The following SAMSN1 variants were observed in gnomAD, a reference collection of about 807,000 sequenced individuals.
The protein encoded by SAMSN1 is SAM domain, SH3 domain and nuclear localization signals 1, also known as SAM domain-containing protein SAMSN-1.
In SAMSN1, 31 loss-of-function variants were observed where a neutral mutation model predicts 42.0. The observed-to-expected ratio is 0.74, with a 90% confidence interval of 0.55 to 1.00. SAMSN1 has a LOEUF of 1.00. Ranked by LOEUF, SAMSN1 falls within the 50% of genes least tolerant of loss-of-function variation. The pLI, the probability that SAMSN1 is intolerant of heterozygous loss-of-function variation, is 0.00. For synonymous variants in SAMSN1, 178 were observed against 151.9 expected (o/e 1.17, Z -1.26); for missense variants, 464 against 439.4 (o/e 1.06, Z -0.50).
At chr21:14,630,505 T>C (rs1003478918) in intron 2 of SAMSN1, among the ~76,000 whole-genome samples, 5 of 152,146 alleles carry the variant, frequency 3.3e-5, no homozygotes, top group African/African-American at 4.8e-5. Flanking sequence ...CCTTCATCTA[T>C]TGATTTCATT....
At chr21:14,534,200 A>C (rs1426087977) in intron 1 of SAMSN1, among the ~76,000 whole-genome samples, 1 of 152,196 alleles carries the variant, frequency 6.6e-6, no homozygotes, top group African/African-American at 2.4e-5. Context: ...TCCATTAGTC[A>C]TTTCACACTC....
intron 6 of SAMSN1, among the ~76,000 whole-genome samples, chr21:14,599,612 G>A (rs1037710407): frequency 6.6e-6 from 1 of 152,116 alleles, no homozygotes; most frequent in African/African-American, 2.4e-5. Context: ...CTCCCTCAGT[G>A]GTGAGTTCTC....
At chr21:14,506,637 C>T (rs1442846663) in intron 5 of SAMSN1, among the ~76,000 whole-genome samples, 1 of 152,098 alleles carries the variant, frequency 6.6e-6, no homozygotes, top group Non-Finnish European at 1.5e-5. Flanking sequence ...GGTACCAATC[C>T]TATTGACACT....
chr21:14,544,106 G>A (rs1980228069), intron 1 of SAMSN1, among the ~76,000 whole-genome samples: 1 of 152,188 alleles, frequency 6.6e-6, no homozygotes, highest in African/African-American at 2.4e-5. Flanking sequence ...CTGGAGTGCA[G>A]TGGCACGAAC....
intron 2 of SAMSN1, among the ~76,000 whole-genome samples, chr21:14,642,093 C>T (rs1983611031): frequency 6.6e-6 from 1 of 152,140 alleles, no homozygotes; most frequent in Admixed American, 6.5e-5. Flanking sequence ...GTCTTTATTC[C>T]TGTCATCTTC....
intron 1 of SAMSN1, among the ~76,000 whole-genome samples, chr21:14,542,019 G>A (rs1167773665): frequency 6.6e-6 from 1 of 151,148 alleles, no homozygotes; most frequent in African/African-American, 2.4e-5. Flanking sequence ...GAAGGAGAAA[G>A]AAGGAACGAA....
At chr21:14,657,492 T>C (rs1600987617) in intron 1 of SAMSN1, among the ~76,000 whole-genome samples, 1 of 151,844 alleles carries the variant, frequency 6.6e-6, no homozygotes, top group Non-Finnish European at 1.5e-5. Context: ...TACAAACGTA[T>C]GTCACGCCAC....
chr21:14,632,726 A>G (rs997894041), intron 2 of SAMSN1, among the ~76,000 whole-genome samples: 1 of 152,280 alleles, frequency 6.6e-6, no homozygotes, highest in Middle Eastern at 3.4e-3. Context: ...ACAGGATTGT[A>G]ATCAACTGTG....
In SAMSN1 at chr21:14,588,504, T is replaced by C. The variant is rs914022670; in HGVS notation, c.466-4728A>G. Reference sequence around the variant, plus strand: ...GCATTTCTCTGATGGCCAGTGATGATGAGCATTTTTTCATGTGTTTTTTGG... The same window carrying C: ...GCATTTCTCTGATGGCCAGTGATGACGAGCATTTTTTCATGTGTTTTTTGG... On this transcript the variant is annotated intron_variant, in intron 7 of 15. Transcript: ENST00000647101. 1.3e-5 allele frequency among the ~76,000 whole-genome samples: 2 copies of C among 151,680 alleles called. 1 individual carries two copies. Among genetic ancestry groups the C allele is most frequent in the East Asian group, 3.9e-4 (2 of 5,160 alleles).
At chr21:14,639,029 T>C (rs187158736) in intron 2 of SAMSN1, among the ~76,000 whole-genome samples, 3 of 152,332 alleles carry the variant, frequency 2.0e-5, no homozygotes, top group Non-Finnish European at 4.4e-5. Flanking sequence ...ATAGGAACAA[T>C]GCCTTTGACC....
At chr21:14,626,619 A>G (rs532221210) in intron 2 of SAMSN1, among the ~76,000 whole-genome samples, 21 of 152,358 alleles carry the variant, frequency 1.4e-4, no homozygotes, top group Middle Eastern at 6.8e-3. Flanking sequence ...TTAAAAAGTC[A>G]GGAAACAACA....
rs914650413 is a variant in SAMSN1 at position 14,486,563 on chromosome 21, A to G, written c.920-449T>C. On this transcript the variant is annotated intron_variant, in intron 7 of 7. Transcript: ENST00000400566. ...GATCTTTGTGAACAATTTTAGATTC[A>G]TGATAATCTAGATTAATTAATAAAT... Among the ~76,000 whole-genome samples, 3 of 152,336 alleles carry G rather than the reference A, an allele frequency of 2.0e-5. No individual in the cohort carries two copies. In the South Asian group the frequency reaches 6.2e-4, roughly 32 times the overall value.
chr21:14,620,599 C>T (rs1051392118), intron 2 of SAMSN1, among the ~76,000 whole-genome samples: 1 of 152,158 alleles, frequency 6.6e-6, no homozygotes. Context: ...TCATGTACCC[C>T]TCATTGTTTT....
At chr21:14,532,041 T>G (rs1979299796) in intron 1 of SAMSN1, among the ~76,000 whole-genome samples, 1 of 152,122 alleles carries the variant, frequency 6.6e-6, no homozygotes, top group African/African-American at 2.4e-5. Flanking sequence ...GATGCATGAT[T>G]TTGGGCCCCC....
intron 3 of SAMSN1, chr21:14,613,041 T>A: frequency 2.0e-6 from 1 of 505,252 alleles, no homozygotes; most frequent in Non-Finnish European, 3.6e-6. Flanking sequence ...GAGGTCTACC[T>A]ATGGTCTTGA....
intron 2 of SAMSN1, among the ~76,000 whole-genome samples, chr21:14,627,283 A>G (rs1331775642): frequency 6.6e-6 from 1 of 151,650 alleles, no homozygotes; most frequent in Non-Finnish European, 1.5e-5. Flanking sequence ...TAATGAAAAA[A>G]AAAGCAATAT....
intron 1 of SAMSN1, among the ~76,000 whole-genome samples, chr21:14,525,126 C>T (rs1568786939): frequency 6.6e-6 from 1 of 152,046 alleles, no homozygotes; most frequent in Non-Finnish European, 1.5e-5. Flanking sequence ...ATAAGATTAC[C>T]ATTTTGCAAA....
At chr21:14,510,183 A>G (rs1223786272) in intron 5 of SAMSN1, 127 bp downstream of exon 5, 2 of 873,028 alleles carry the variant, frequency 2.3e-6, no homozygotes, top group Non-Finnish European at 3.7e-6. Context: ...ACTGTAAGCT[A>G]GCCTCCACTT....
intron 2 of SAMSN1, among the ~76,000 whole-genome samples, chr21:14,566,541 T>C (rs1329066454): frequency 6.6e-6 from 1 of 151,438 alleles, no homozygotes; most frequent in Non-Finnish European, 1.5e-5. Context: ...TATATATATA[T>C]AAAATTTTTT....
Sources: gnomAD v4.1 joint callset for allele counts (sites outside exome capture counted in the v4.1 genomes callset) on GRCh38, gnomAD v4.1.1 for gene constraint, MANE v1.5 for transcripts, NCBI Gene and HGNC (gene_info 2026-07-23, HGNC 2026-07-21) for gene names.